The following CNOT6L variants were observed in gnomAD, a reference collection of about 807,000 sequenced individuals.
CNOT6L encodes the protein CCR4-NOT transcription complex subunit 6-like.
A neutral mutation model predicts 64.0 loss-of-function variants in CNOT6L; 7 were observed. That is an observed-to-expected ratio of 0.11 (90% confidence interval 0.06 to 0.21). The LOEUF (loss-of-function observed/expected upper bound fraction) is 0.21. CNOT6L is among the 10% of genes least tolerant of loss of function. The pLI, the probability that CNOT6L is intolerant of heterozygous loss-of-function variation, is 1.00. For synonymous variants in CNOT6L, 193 were observed against 243.4 expected, an observed-to-expected ratio of 0.79 and a Z score of 1.93; for missense variants, 245 against 669.0, an observed-to-expected ratio of 0.37 and a Z score of 6.99.
chr4:77,767,980 C>CAAAA (rs11455356), intron 4 of CNOT6L, among the ~76,000 whole-genome samples: 5 of 87,110 alleles, frequency 5.7e-5, no homozygotes, highest in Non-Finnish European at 1.1e-4. Context: ...ACTTTGTCCC[C>CAAAA]AAAAAAAAAA....
intron 1 of CNOT6L, among the ~76,000 whole-genome samples, chr4:77,793,784 C>CA: frequency 6.6e-6 from 1 of 152,160 alleles, no homozygotes; most frequent in Admixed American, 6.6e-5. Flanking sequence ...TAAGAGTGTA[C>CA]AGGTATATGC....
chr4:77,738,973 A>C (rs1010292180), intron 8 of CNOT6L, among the ~76,000 whole-genome samples: 13 of 152,188 alleles, frequency 8.5e-5, no homozygotes, highest in African/African-American at 3.1e-4. Context: ...AATGATGTTC[A>C]TAATGATGAC....
intron 11 of CNOT6L, among the ~76,000 whole-genome samples, chr4:77,721,053 T>C (rs912684590): frequency 1.3e-5 from 2 of 152,198 alleles, no homozygotes. Context: ...AACGGTATTA[T>C]TTTCAATTAT....
At position 77,718,416 on chromosome 4, in the gene CNOT6L, T is replaced by A. The variant is rs1257578412; in HGVS notation, c.*2015A>T. The A allele has an allele frequency of 1.3e-5, 2 of 152,640 alleles. No homozygotes were observed. The highest frequency in any genetic ancestry group is 3.8e-4 in the East Asian group (2 of 5,200). The allele number at this position is 152,640 out of a possible 1,614,324, so 9.5% of individuals were successfully genotyped here. A position where few individuals can be genotyped will look rare whatever the true frequency, so the allele number is the denominator to read the frequency against. On this transcript the variant is annotated 3_prime_UTR_variant, in exon 12 of 12. Coordinates refer to ENST00000504123, the MANE Select transcript of CNOT6L (RefSeq NM_144571.3). ...TCAATTTGCATGGCTAGATGTTGGA[T>A]ACTTGAGGTATATAAGAAGGGAAAC...
intron 1 of CNOT6L, among the ~76,000 whole-genome samples, chr4:77,796,587 T>A (rs1379289845): frequency 6.6e-6 from 1 of 152,150 alleles, no homozygotes; most frequent in Non-Finnish European, 1.5e-5. Flanking sequence ...AGGAGTCAAT[T>A]AAACTTCTTT....
At chr4:77,757,923 C>T (rs1228642406) in intron 4 of CNOT6L, among the ~76,000 whole-genome samples, 1 of 152,186 alleles carries the variant, frequency 6.6e-6, no homozygotes, top group African/African-American at 2.4e-5. Flanking sequence ...TGCTCTTGAA[C>T]TTCTGGCCTC....
intron 11 of CNOT6L, among the ~76,000 whole-genome samples, chr4:77,723,091 C>A (rs1348508937): frequency 2.6e-5 from 4 of 151,986 alleles, no homozygotes; most frequent in African/African-American, 9.7e-5. Flanking sequence ...ATAAAAGCTG[C>A]CCTTCCTTTT....
intron 1 of CNOT6L, among the ~76,000 whole-genome samples, chr4:77,779,731 G>A (rs1479276950): frequency 6.6e-6 from 1 of 152,178 alleles, no homozygotes; most frequent in African/African-American, 2.4e-5. Context: ...GGAGGCCGAG[G>A]CGGGCAGATC....
chr4:77,798,489 T>C (rs1372368566), intron 1 of CNOT6L, among the ~76,000 whole-genome samples: 3 of 152,126 alleles, frequency 2.0e-5, no homozygotes, highest in South Asian at 2.1e-4. Flanking sequence ...AGAAGATATA[T>C]TGATGGTAAA....
chr4:77,741,056 TAA>T (rs942223684), intron 8 of CNOT6L, among the ~76,000 whole-genome samples: 10 of 152,154 alleles, frequency 6.6e-5, no homozygotes, highest in African/African-American at 2.4e-4. Context: ...TTCCCGTAGT[TAA>T]GAGATACGTA....
At chr4:77,773,490 G>A (rs897409788) in intron 3 of CNOT6L, among the ~76,000 whole-genome samples, 1 of 152,054 alleles carries the variant, frequency 6.6e-6, no homozygotes. Context: ...ATGCAAATGC[G>A]ACAGATATCC....
At chr4:77,809,840 C>T (rs531326883) in intron 1 of CNOT6L, among the ~76,000 whole-genome samples, 1 of 152,176 alleles carries the variant, frequency 6.6e-6, no homozygotes, top group South Asian at 2.1e-4. Context: ...GAGGTTCTCT[C>T]TGCAAAAGAT....
At chr4:77,758,267 A>G (rs1725789141) in intron 4 of CNOT6L, among the ~76,000 whole-genome samples, 2 of 152,208 alleles carry the variant, frequency 1.3e-5, no homozygotes, top group African/African-American at 4.8e-5. Context: ...ACTGAATGTA[A>G]TTATAACTCC....
chr4:77,752,484 G>A (rs1724963553), intron 5 of CNOT6L, among the ~76,000 whole-genome samples: 1 of 152,112 alleles, frequency 6.6e-6, no homozygotes, highest in Admixed American at 6.5e-5. Context: ...ATCATCTGCA[G>A]AGGTAATAAA....
chr4:77,742,320 CTA>C, intron 7 of CNOT6L, 25 bp from the exon 8 acceptor site: 1 of 1,591,978 alleles, frequency 6.3e-7, no homozygotes, highest in Non-Finnish European at 8.6e-7. Context: ...AAGTTATCAT[CTA>C]TATGACAGAG....
At chr4:77,796,643 G>A (rs1266078411) in intron 1 of CNOT6L, among the ~76,000 whole-genome samples, 1 of 152,078 alleles carries the variant, frequency 6.6e-6, no homozygotes, top group Non-Finnish European at 1.5e-5. Context: ...AGCAGTGTGA[G>A]AACAGACTAA....
chr4:77,791,281 A>AATC lies in CNOT6L; in HGVS notation c.6-14892_6-14890dup, dbSNP rs1055470303. Among the ~76,000 whole-genome samples, 4 of 152,204 alleles carry AATC rather than the reference A, an allele frequency of 2.6e-5. No homozygotes were observed. The East Asian group carries it at 5.8e-4, about 22-fold the overall frequency. On this transcript the variant is annotated intron_variant, in intron 1 of 11. Coordinates refer to ENST00000504123, the MANE Select transcript of CNOT6L (RefSeq NM_144571.3). The stretch of plus-strand genomic sequence containing the variant: ...ACAAAGCCAGGCTCCGTCTCCAAAT[A>AATC]ATCATCATCATCATCATCTTCAGCA...
intron 5 of CNOT6L, among the ~76,000 whole-genome samples, chr4:77,753,565 G>C (rs1725097716): frequency 6.6e-6 from 1 of 152,004 alleles, no homozygotes; most frequent in African/African-American, 2.4e-5. Flanking sequence ...CAGCTACTCA[G>C]GAGGCTGAAG....
rs1017702746 is a variant in CNOT6L, at chr4:77,719,520, A to G, written c.*911T>C. On this transcript the variant is annotated 3_prime_UTR_variant, in exon 12 of 12. Transcript: ENST00000504123. The stretch of plus-strand genomic sequence containing the variant: ...CAGCAGACTTTTTTCTTCTTTTAAC[A>G]TTTGACTATAATGGCAAAAATGACA... The G allele has an allele frequency of 1.3e-5, 2 of 152,580 alleles. No individual in the cohort carries two copies. The highest frequency in any genetic ancestry group is 4.8e-5 in the African/African-American group (2 of 41,450). The allele number at this position is 152,580 out of a possible 1,614,324, so 9.5% of individuals were successfully genotyped here.
Sources: allele counts gnomAD v4.1 joint callset (sites outside exome capture counted in the v4.1 genomes callset), GRCh38; gene constraint gnomAD v4.1.1; transcripts MANE v1.5; gene names NCBI Gene and HGNC (gene_info 2026-07-23, HGNC 2026-07-21).